Variants in CDH10 observed in about 807,000 individuals in gnomAD.
The protein encoded by CDH10 is cadherin 10.
CDH10 carries 30 observed loss-of-function variants against 73.1 expected under a neutral mutation model. The observed-to-expected ratio is 0.41, with a 90% CI of 0.31 to 0.56. CDH10 has a LOEUF of 0.56. Ranked by LOEUF, CDH10 falls within the 20% of genes least tolerant of loss-of-function variation. The pLI is 0.27. For synonymous variants in CDH10, 345 were observed against 348.2 expected (o/e 0.99, Z 0.10); for missense variants, 815 against 973.7 (o/e 0.84, Z 2.17).
intron 2 of CDH10, among the ~76,000 whole-genome samples, chr5:24,562,711 T>G (rs947349073): frequency 1.3e-5 from 2 of 152,154 alleles, no homozygotes; most frequent in African/African-American, 2.4e-5. Flanking sequence ...AGAACATCTA[T>G]TCTCACTCCT....
intron 5 of CDH10, among the ~76,000 whole-genome samples, chr5:24,530,778 A>C (rs1743712586): frequency 6.6e-6 from 1 of 152,068 alleles, no homozygotes; most frequent in South Asian, 2.1e-4. Context: ...AGGATTTTAG[A>C]TATCAGTTTT....
intron 1 of CDH10, among the ~76,000 whole-genome samples, chr5:24,604,710 T>TA (rs199508685): frequency 0.025 from 3,769 of 151,546 alleles, 73 homozygotes; most frequent in Non-Finnish European, 0.038. Flanking sequence ...CCATATCTAC[T>TA]AAAAAATACA....
At chr5:24,576,030 A>G (rs7734011) in intron 2 of CDH10, among the ~76,000 whole-genome samples, 1 of 152,134 alleles carries the variant, frequency 6.6e-6, no homozygotes, top group African/African-American at 2.4e-5. Flanking sequence ...CCAAAGAGCT[A>G]TCATTCCTGC....
intron 8 of CDH10, among the ~76,000 whole-genome samples, chr5:24,503,183 C>T (rs1453984977): frequency 6.6e-6 from 1 of 152,148 alleles, no homozygotes; most frequent in Non-Finnish European, 1.5e-5. Context: ...CTTTGCCTTC[C>T]AAAGCCTGTA....
intron 2 of CDH10, among the ~76,000 whole-genome samples, chr5:24,558,564 C>G (rs1744847703): frequency 6.6e-6 from 1 of 151,276 alleles, no homozygotes; most frequent in South Asian, 2.1e-4. Context: ...ATATAGAATA[C>G]TGCATTCAAC....
intron 2 of CDH10, among the ~76,000 whole-genome samples, chr5:24,539,651 G>C (rs1489048611): frequency 6.6e-6 from 1 of 152,010 alleles, no homozygotes; most frequent in Non-Finnish European, 1.5e-5. Flanking sequence ...GTAACAAATA[G>C]TTTCTTACTA....
intron 5 of CDH10, among the ~76,000 whole-genome samples, chr5:24,515,831 G>T (rs1399303528): frequency 6.6e-6 from 1 of 152,152 alleles, no homozygotes; most frequent in Non-Finnish European, 1.5e-5. Flanking sequence ...GATCATGGGA[G>T]CGGGTCTTTC....
intron 1 of CDH10, among the ~76,000 whole-genome samples, chr5:24,619,896 T>G (rs565871759): frequency 1.2e-3 from 178 of 152,290 alleles, no homozygotes; most frequent in African/African-American, 4.2e-3. Context: ...TCCTTCATCT[T>G]GGAGTTTCCA....
intron 2 of CDH10, among the ~76,000 whole-genome samples, chr5:24,565,312 C>T (rs2112003924): frequency 6.6e-6 from 1 of 152,240 alleles, no homozygotes; most frequent in African/African-American, 2.4e-5. Context: ...GATCACAGTA[C>T]ACAGAGTCAA....
chr5:24,490,747 T>G (rs1294136018), intron 11 of CDH10, among the ~76,000 whole-genome samples: 2 of 152,196 alleles, frequency 1.3e-5, no homozygotes, highest in Non-Finnish European at 2.9e-5. Flanking sequence ...CAATTTATTA[T>G]TGTCTGCATT....
intron 2 of CDH10, among the ~76,000 whole-genome samples, chr5:24,542,757 T>C (rs1332395171): frequency 6.6e-6 from 1 of 152,180 alleles, no homozygotes; most frequent in Non-Finnish European, 1.5e-5. Flanking sequence ...AAGGGCCCTC[T>C]TTCTGGTTTA....
rs376632889 is a variant in CDH10, at chr5:24,593,354, C to T, written c.137G>A (p.Gly46Asp). 3 of 1,612,570 alleles carry T rather than the reference C, an allele frequency of 1.9e-6. No individual in the cohort carries two copies. In the African/African-American group the frequency reaches 4.0e-5, roughly 22 times the overall value. ...ILSSRVPRSD[G>D]KILHRQKRGW... ...ACGTTTTTGACGATGGAGAATTTTG[C>T]CATCACTCCTTGGTACACGTGAACT... The change falls in exon 2 of 12, where the codon GGC becomes GAC. Residue 46 changes from glycine (G) to aspartate (D), a missense_variant. Gly to Asp is a moderately conservative substitution (Grantham distance 94). Coordinates refer to ENST00000264463, the MANE Select transcript of CDH10 (RefSeq NM_006727.5).
intron 1 of CDH10, among the ~76,000 whole-genome samples, chr5:24,597,058 T>G (rs1030297001): frequency 2.6e-5 from 4 of 152,048 alleles, no homozygotes; most frequent in Non-Finnish European, 2.9e-5. Flanking sequence ...GTTAATTTTA[T>G]TTTTGGAAAA....
chr5:24,534,282 A>G (rs1310098551), intron 5 of CDH10, among the ~76,000 whole-genome samples: 2 of 152,134 alleles, frequency 1.3e-5, no homozygotes, highest in Admixed American at 6.6e-5. Context: ...GACATTCAGG[A>G]CATAGGCTGT....
chr5:24,533,809 A>G (rs1743836491), intron 5 of CDH10, among the ~76,000 whole-genome samples: 1 of 152,086 alleles, frequency 6.6e-6, no homozygotes, highest in Admixed American at 6.6e-5. Flanking sequence ...CCTGGAGCTG[A>G]AACCTAATTA....
intron 2 of CDH10, among the ~76,000 whole-genome samples, chr5:24,580,480 T>C (rs982924728): frequency 6.6e-6 from 1 of 152,246 alleles, no homozygotes; most frequent in Middle Eastern, 3.4e-3. Flanking sequence ...TATGATACCT[T>C]AGTTTTGTTG....
intron 8 of CDH10, among the ~76,000 whole-genome samples, chr5:24,503,270 T>A (rs922418329): frequency 6.6e-6 from 1 of 152,182 alleles, no homozygotes. Context: ...CTAAAATTTA[T>A]GGGCTTAATT....
intron 2 of CDH10, among the ~76,000 whole-genome samples, chr5:24,585,193 A>AGAGTCTAGCTTCTTCCAGAT (rs1745950399): frequency 6.6e-6 from 1 of 152,042 alleles, no homozygotes; most frequent in Non-Finnish European, 1.5e-5. Flanking sequence ...CCTAGCAAGT[A>AGAGTCTAGCTTCTTCCAGAT]GGCTTCTTCC....
At chr5:24,511,545 C>CAGAGAGAGAGAGAGAGAG (rs55901211) in intron 5 of CDH10, 31 bp from the exon 6 acceptor site, 17 of 576,374 alleles carry the variant, frequency 2.9e-5, no homozygotes, top group African/African-American at 1.1e-4. Flanking sequence ...AAGAGAGAGA[C>CAGAGAGAGAGAGAGAGAG]AGAGAGAGAG....
Sources: gnomAD v4.1 joint callset for allele counts (sites outside exome capture counted in the v4.1 genomes callset) on GRCh38, gnomAD v4.1.1 for gene constraint, MANE v1.5 for transcripts, NCBI Gene and HGNC (gene_info 2026-07-23, HGNC 2026-07-21) for gene names.